RSU1: variants seen among roughly 807,000 people sequenced by gnomAD.
The protein encoded by RSU1 is rsu-1.
A neutral mutation model predicts 31.1 loss-of-function variants in RSU1; 26 were observed. That is an observed-to-expected ratio of 0.84 (90% CI 0.61 to 1.16). The LOEUF (loss-of-function observed/expected upper bound fraction) is 1.16, where lower values mean the gene tolerates loss of function less well. Ranked by LOEUF, RSU1 falls within the 50% of genes most tolerant of loss-of-function variation. The probability of loss-of-function intolerance (pLI) is 0.00; values close to 1 mark genes in which losing one functional copy is unlikely to be tolerated. For synonymous variants in RSU1, 164 were observed against 136.3 expected (o/e 1.20, Z -1.41); for missense variants, 320 against 339.1 (o/e 0.94, Z 0.44).
intron 2 of RSU1, among the ~76,000 whole-genome samples, chr10:16,804,368 A>G (rs1838222038): frequency 6.6e-6 from 1 of 152,262 alleles, no homozygotes; most frequent in Admixed American, 6.5e-5. Flanking sequence ...TTATTGGTAG[A>G]AAACAAAATG....
At position 16,620,365 on chromosome 10, in the gene RSU1, CAGTG is replaced by C. The variant is rs202227781; in HGVS notation, c.732-26873_732-26870del. 5.2e-3 allele frequency among the ~76,000 whole-genome samples: 787 copies of C among 152,076 alleles called. 4 individuals are homozygous for C. The highest frequency in any genetic ancestry group is 8.5e-3 in the Admixed American group (130 of 15,262). On this transcript the variant is annotated intron_variant, in intron 8 of 8. Transcript: ENST00000345264. The stretch of plus-strand genomic sequence containing the variant: ...ATCACATCTACATATAAGCAAAAAA[CAGTG>C]AGGAGGGGAGGGAGGATCTGCTCTT...
Position 16,797,815 on chromosome 10 carries a change from T to A in RSU1, c.110-15731A>T, listed in dbSNP as rs1588542471. ...TATAAGAGCAAATAAACACAATACGTAATACTTTACAAGAAACAGAAGTTA... is the reference window on the plus strand; with the variant it reads ...TATAAGAGCAAATAAACACAATACGAAATACTTTACAAGAAACAGAAGTTA... On this transcript the variant is annotated intron_variant, in intron 2 of 8. Transcript: ENST00000345264. 4.0e-5 allele frequency among the ~76,000 whole-genome samples: 6 copies of A among 149,262 alleles called. No individual in the cohort carries two copies. In the East Asian group the frequency reaches 9.8e-4, roughly 24 times the overall value.
chr10:16,813,579 T>C (rs1487923568), intron 2 of RSU1, among the ~76,000 whole-genome samples: 3 of 152,258 alleles, frequency 2.0e-5, no homozygotes, highest in Non-Finnish European at 2.9e-5. Context: ...ACCAGTCTTA[T>C]GAAGTGGTTT....
At chr10:16,801,509 G>C (rs1838155230) in intron 2 of RSU1, among the ~76,000 whole-genome samples, 1 of 152,108 alleles carries the variant, frequency 6.6e-6, no homozygotes, top group South Asian at 2.1e-4. Flanking sequence ...AGTAAGGACA[G>C]AGTTAAAAAC....
At chr10:16,808,498 A>C (rs886699815) in intron 2 of RSU1, among the ~76,000 whole-genome samples, 33 of 151,168 alleles carry the variant, frequency 2.2e-4, no homozygotes, top group Middle Eastern at 3.4e-3. Flanking sequence ...AAAAAAAAAA[A>C]AAAAAAAACA....
At chr10:16,725,366 C>T (rs1836368409) in intron 7 of RSU1, among the ~76,000 whole-genome samples, 1 of 152,084 alleles carries the variant, frequency 6.6e-6, no homozygotes, top group African/African-American at 2.4e-5. Context: ...GAAAAGGTGA[C>T]TCGAGATTTT....
intron 8 of RSU1, among the ~76,000 whole-genome samples, chr10:16,667,609 T>C (rs1172716786): frequency 6.6e-6 from 1 of 152,104 alleles, no homozygotes; most frequent in Non-Finnish European, 1.5e-5. Context: ...TGCCTCAGCC[T>C]CCCAAGTAGC....
At chr10:16,700,040 T>C (rs571191140) in intron 7 of RSU1, among the ~76,000 whole-genome samples, 1 of 152,216 alleles carries the variant, frequency 6.6e-6, no homozygotes, top group Non-Finnish European at 1.5e-5. Flanking sequence ...CAATAGACAA[T>C]TGCAGCCCCA....
At chr10:16,722,964 A>G (rs910867771) in intron 7 of RSU1, 3 of 150,382 alleles carry the variant, frequency 2.0e-5, no homozygotes, top group South Asian at 2.1e-4. Context: ...ACACACATAT[A>G]CATATATGTA....
rs182780034 is a variant in RSU1, at chr10:16,630,041, C to G, written c.732-36545G>C. Among the ~76,000 whole-genome samples the G allele has an allele frequency of 2.1e-3, 312 of 152,080 alleles. 4 individuals are homozygous for G. Among genetic ancestry groups the G allele is most frequent in the African/African-American group, 7.3e-3 (302 of 41,496 alleles). ...ATCCCCAAAAAAGTATTTATGGATGCTCTTTGTTTACTTTTTAAAGTTTTT... is the reference window on the plus strand; with the variant it reads ...ATCCCCAAAAAAGTATTTATGGATGGTCTTTGTTTACTTTTTAAAGTTTTT... On this transcript the variant is annotated intron_variant, in intron 8 of 8. Coordinates refer to ENST00000345264, the MANE Select transcript of RSU1 (RefSeq NM_012425.4).
intron 7 of RSU1, among the ~76,000 whole-genome samples, chr10:16,696,826 G>C (rs1835685756): frequency 7.0e-6 from 1 of 143,358 alleles, no homozygotes; most frequent in Non-Finnish European, 1.6e-5. Flanking sequence ...TGTTGGCAAG[G>C]GGCTGCCATT....
At chr10:16,654,900 A>C (rs904950276) in intron 8 of RSU1, among the ~76,000 whole-genome samples, 1 of 150,734 alleles carries the variant, frequency 6.6e-6, no homozygotes, top group African/African-American at 2.4e-5. Context: ...TTCTACAAAA[A>C]TTTTTTTTTG....
intron 4 of RSU1, among the ~76,000 whole-genome samples, chr10:16,759,098 C>T (rs550206013): frequency 3.2e-4 from 48 of 152,278 alleles, no homozygotes; most frequent in Middle Eastern, 6.8e-3. Flanking sequence ...GTTTCTTCTC[C>T]GCAGGTTGTC....
chr10:16,766,405 G>T (rs1837315749), intron 3 of RSU1, among the ~76,000 whole-genome samples: 1 of 152,176 alleles, frequency 6.6e-6, no homozygotes, highest in African/African-American at 2.4e-5. Flanking sequence ...TATTCACTGT[G>T]TGTAAGGGAT....
chr10:16,744,559 G>C (rs890320444), intron 7 of RSU1, among the ~76,000 whole-genome samples: 3 of 152,144 alleles, frequency 2.0e-5, no homozygotes, highest in African/African-American at 7.2e-5. Flanking sequence ...GTACTACAAA[G>C]TACCCAACAC....
At chr10:16,675,200 CAA>C (rs4012468) in intron 8 of RSU1, among the ~76,000 whole-genome samples, 8 of 95,450 alleles carry the variant, frequency 8.4e-5, no homozygotes, top group Non-Finnish European at 1.0e-4. Flanking sequence ...GACTCTGTCT[CAA>C]AAAAAAAAAA....
intron 5 of RSU1, 129 bp downstream of exon 5, chr10:16,754,742 G>C (rs2018297171): frequency 1.5e-6 from 1 of 652,508 alleles, no homozygotes; most frequent in Middle Eastern, 2.7e-4. Flanking sequence ...ATATTCAAAA[G>C]GAGTCTCTAA....
chr10:16,676,555 C>T (rs115784386), intron 8 of RSU1, among the ~76,000 whole-genome samples: 1,769 of 152,234 alleles, frequency 0.012, 35 homozygotes, highest in African/African-American at 0.04. Context: ...CATATCAATC[C>T]TTTATCCAGA....
intron 7 of RSU1, among the ~76,000 whole-genome samples, chr10:16,745,345 G>A (rs938080047): frequency 1.3e-5 from 2 of 152,186 alleles, no homozygotes; most frequent in Non-Finnish European, 2.9e-5. Flanking sequence ...CATTTTACAT[G>A]AGGTGTAGAA....
Sources: gnomAD v4.1 joint callset for allele counts (sites outside exome capture counted in the v4.1 genomes callset) on GRCh38, gnomAD v4.1.1 for gene constraint, MANE v1.5 for transcripts, NCBI Gene and HGNC (gene_info 2026-07-23, HGNC 2026-07-21) for gene names.